The following CARD8 variants were observed in gnomAD, a reference collection of about 807,000 sequenced individuals.
CARD8 encodes the protein caspase recruitment domain family member 8.
A neutral mutation model predicts 53.2 loss-of-function variants in CARD8; 38 were observed. The observed-to-expected ratio is 0.71, with a 90% CI of 0.55 to 0.94. The LOEUF (loss-of-function observed/expected upper bound fraction) is 0.94. Ranked by LOEUF, CARD8 falls within the 40% of genes least tolerant of loss-of-function variation. The probability of loss-of-function intolerance (pLI) is 0.00; values close to 1 mark genes in which losing one functional copy is unlikely to be tolerated. For synonymous variants in CARD8, 245 were observed against 244.9 expected (o/e 1.00, Z 0.00); for missense variants, 561 against 655.5 (o/e 0.86, Z 1.57).
chr19:48,228,907 G>T (rs2042309841), intron 10 of CARD8, among the ~76,000 whole-genome samples: 1 of 152,172 alleles, frequency 6.6e-6, no homozygotes, highest in Non-Finnish European at 1.5e-5. Flanking sequence ...GGGAGGCTGA[G>T]GTGGGTGCAT....
intron 12 of CARD8, among the ~76,000 whole-genome samples, chr19:48,217,428 G>T (rs2039563479): frequency 6.6e-6 from 1 of 152,102 alleles, no homozygotes; most frequent in African/African-American, 2.4e-5. Context: ...ATTCAGTTTG[G>T]TTTCATTTTT....
chr19:48,245,961 T>G (rs948197320), intron 3 of CARD8, among the ~76,000 whole-genome samples: 6 of 151,278 alleles, frequency 4.0e-5, no homozygotes, highest in Non-Finnish European at 7.4e-5. Flanking sequence ...GAAATTGATG[T>G]TAGCATATCA....
At chr19:48,227,819 A>T (rs990462543) in intron 10 of CARD8, among the ~76,000 whole-genome samples, 2 of 151,376 alleles carry the variant, frequency 1.3e-5, no homozygotes, top group African/African-American at 2.4e-5. Flanking sequence ...AAAAAAAAGG[A>T]AAGAAAAGAA....
Position 48,211,721 on chromosome 19 carries a change from G to T in CARD8, c.1603C>A (p.Gln535Lys), listed in dbSNP as rs1269012654. 1.2e-6 allele frequency: 2 copies of T among 1,613,120 alleles called. No individual in the cohort carries two copies. The highest frequency in any genetic ancestry group is 1.7e-6 in the Non-Finnish European group (2 of 1,179,610). Residue 535 changes from glutamine (Q) to lysine (K), a missense_variant, in exon 14 of 14, where the codon CAG (glutamine) becomes AAG (lysine). By Grantham distance (53) the Gln-to-Lys change is moderately conservative. Coordinates refer to ENST00000651546, the MANE Select transcript of CARD8 (RefSeq NM_001184900.3). Reference sequence around the variant, plus strand: ...CTAACTGACTCATTTTACAAATTCTGCTGTCTAAGATAGGACACGAGGTAA... The same window carrying T: ...CTAACTGACTCATTTTACAAATTCTTCTGTCTAAGATAGGACACGAGGTAA... ...DPYLVSYLRQ[Q>K]NL
chr19:48,214,900 T>C (rs2038938978), intron 13 of CARD8, among the ~76,000 whole-genome samples: 1 of 144,868 alleles, frequency 6.9e-6, no homozygotes, highest in African/African-American at 2.6e-5. Context: ...GCCATTCTCC[T>C]GCCTCAGCCT....
rs548754778 is a variant in CARD8 at position 48,239,084 on chromosome 19, G to A, written c.60-552C>T. ...GGGCCCCACTCTTCTATCCTTCGTT[G>A]GTCCTAAACAGGAGGGAATGTTAAC... On this transcript the variant is annotated intron_variant, in intron 4 of 13. Transcript: ENST00000651546. Among the ~76,000 whole-genome samples, 5 of 152,238 alleles carry A rather than the reference G, an allele frequency of 3.3e-5. No homozygotes were observed. The East Asian group carries it at 9.7e-4, about 29-fold the overall frequency.
chr19:48,221,651 T>C, intron 11 of CARD8, 79 bp downstream of exon 11: 1 of 1,085,738 alleles, frequency 9.2e-7, no homozygotes, highest in Non-Finnish European at 1.3e-6. Flanking sequence ...AAATGTTGCA[T>C]TTTGCTAAGA....
downstream of CARD8, among the ~76,000 whole-genome samples, chr19:48,207,741 T>TTTTTTTGTTTTTTG (rs1555790183): frequency 1.3e-4 from 13 of 100,744 alleles, no homozygotes; most frequent in East Asian, 3.2e-4. Flanking sequence ...TCTGTTTTTT[T>TTTTTTTGTTTTTTG]TTTTTTTTTT....
At chr19:48,204,383 G>A (rs1210513560), downstream of CARD8, 1 of 336,544 alleles carries the variant, frequency 3.0e-6, no homozygotes, top group Non-Finnish European at 6.0e-6. Context: ...GAAATGGGAT[G>A]TTTTCAAGGA....
chr19:48,238,271 A>G, intron 5 of CARD8, 112 bp downstream of exon 5: 4 of 1,421,594 alleles, frequency 2.8e-6, no homozygotes, highest in Non-Finnish European at 3.7e-6. Flanking sequence ...TAACATATAT[A>G]CTAATTTTTA....
At chr19:48,206,533 GA>G (rs570222325), downstream of CARD8, 32 of 460,660 alleles carry the variant, frequency 6.9e-5, no homozygotes, top group Non-Finnish European at 1.3e-4. Context: ...GTGATAACAA[GA>G]CAGAAGTCTC....
chr19:48,207,176 AAAG>A (rs1303193333), downstream of CARD8, among the ~76,000 whole-genome samples: 8 of 138,436 alleles, frequency 5.8e-5, 1 homozygote, highest in Admixed American at 1.4e-4. Flanking sequence ...AAAAAAAAAA[AAAG>A]AAAAGAAAAG....
chr19:48,218,909 C>G lies in CARD8; in HGVS notation c.1265G>C (p.Arg422Thr). 2 of 1,614,138 alleles carry G rather than the reference C, an allele frequency of 1.2e-6. No homozygotes were observed. The highest frequency in any genetic ancestry group is 1.7e-6 in the Non-Finnish European group (2 of 1,179,974). Residue 422 changes from arginine (R) to threonine (T), a missense_variant, in exon 12 of 14, where the codon AGA becomes ACA. Transcript: ENST00000651546. ...EPIQLEITEKRHGTLVWDTEV... is the reference protein window; with the variant it reads ...EPIQLEITEKTHGTLVWDTEV... ...AGTATCCCACACCAAAGTCCCATGT[C>G]TTTTTTCAGTAATCTCAAGTTGAAT...
rs1163379561 is a variant in CARD8, at chr19:48,208,942, C to T, written c.*2768G>A. On this transcript the variant is annotated 3_prime_UTR_variant, in exon 14 of 14. Coordinates refer to ENST00000651546, the MANE Select transcript of CARD8 (RefSeq NM_001184900.3). ...GAGGCTGCAGTGAGCTGAGATCACA[C>T]CACTGCACTCCAGCCTAGATGACAG... 7.2e-6 allele frequency: 1 copy of T among 138,462 alleles called. No individual in the cohort carries two copies. The highest frequency in any genetic ancestry group is 1.5e-5 in the Non-Finnish European group (1 of 66,078). 8.6% of individuals were successfully genotyped at this position (138,462 alleles called of 1,614,324 possible). A position where few individuals can be genotyped will look rare whatever the true frequency, so the allele number is the denominator to read the frequency against.
intron 4 of CARD8, among the ~76,000 whole-genome samples, chr19:48,240,243 AC>A (rs1430380137): frequency 6.6e-6 from 1 of 152,160 alleles, no homozygotes; most frequent in Non-Finnish European, 1.5e-5. Flanking sequence ...ACTGAAACAC[AC>A]AGAGGGAGGG....
chr19:48,251,529 C>A (rs12460147), intron 1 of CARD8, among the ~76,000 whole-genome samples: 3,616 of 152,262 alleles, frequency 0.024, 79 homozygotes, highest in Middle Eastern at 0.075. Context: ...CCAATTTCAC[C>A]ATTTCTGGTC....
At chr19:48,248,259 T>C (rs1219859881) in intron 3 of CARD8, among the ~76,000 whole-genome samples, 3 of 152,162 alleles carry the variant, frequency 2.0e-5, no homozygotes, top group Admixed American at 6.5e-5. Flanking sequence ...GTATTGCCTG[T>C]AGCCCCAGCC....
chr19:48,247,214 C>T (rs955283056), intron 3 of CARD8, among the ~76,000 whole-genome samples: 14 of 152,150 alleles, frequency 9.2e-5, no homozygotes, highest in African/African-American at 3.4e-4. Context: ...ATTTCAGCTA[C>T]TCGGGAGGGT....
intron 1 of CARD8, among the ~76,000 whole-genome samples, chr19:48,252,808 T>TACACAC (rs71334279): frequency 1.7e-4 from 25 of 148,182 alleles, no homozygotes; most frequent in Non-Finnish European, 3.3e-4. Flanking sequence ...TATCAGTATA[T>TACACAC]ACACACACAC....
Sources: gnomAD v4.1 joint callset for allele counts (sites outside exome capture counted in the v4.1 genomes callset) on GRCh38, gnomAD v4.1.1 for gene constraint, MANE v1.5 for transcripts, NCBI Gene and HGNC (gene_info 2026-07-23, HGNC 2026-07-21) for gene names.